The following PCDHA3 variants were observed in gnomAD, a reference collection of about 807,000 sequenced individuals.
PCDHA3 encodes the protein protocadherin alpha-3.
A neutral mutation model predicts 62.2 loss-of-function variants in PCDHA3; 41 were observed. The observed-to-expected ratio is 0.66, with a 90% CI of 0.51 to 0.86. The LOEUF (loss-of-function observed/expected upper bound fraction) is 0.86. Ranked by LOEUF, PCDHA3 falls within the 40% of genes least tolerant of loss-of-function variation. The probability of loss-of-function intolerance (pLI) is 0.00; values close to 1 mark genes in which losing one functional copy is unlikely to be tolerated. For synonymous variants in PCDHA3, 640 were observed against 555.4 expected (o/e 1.15, Z -2.14); for missense variants, 1,304 against 1,241.2 (o/e 1.05, Z -0.76).
At chr5:140,869,038 C>A in intron 1 of PCDHA3, 1 of 1,528,506 alleles carries the variant, frequency 6.5e-7, no homozygotes, top group South Asian at 1.3e-5. Context: ...GATTTTTAAC[C>A]TGAAACTGAA....
At chr5:140,913,523 T>G (rs2076374733) in intron 1 of PCDHA3, among the ~76,000 whole-genome samples, 2 of 152,156 alleles carry the variant, frequency 1.3e-5, no homozygotes, top group Admixed American at 6.5e-5. Context: ...TATTTATCTT[T>G]TCAAAAGATT....
chr5:140,902,415 G>C (rs887303649), intron 1 of PCDHA3, among the ~76,000 whole-genome samples: 24 of 152,178 alleles, frequency 1.6e-4, no homozygotes, highest in Admixed American at 1.3e-3. Flanking sequence ...TTGAATAACA[G>C]TGGTGAAAGT....
intron 1 of PCDHA3, chr5:140,877,741 A>C: frequency 6.2e-7 from 1 of 1,614,182 alleles, no homozygotes; most frequent in Non-Finnish European, 8.5e-7. Context: ...GAGGAGGCAG[A>C]GGGTGTGCTC....
At chr5:140,969,588 T>A in intron 1 of PCDHA3, 1 of 849,870 alleles carries the variant, frequency 1.2e-6, no homozygotes, top group Non-Finnish European at 1.8e-6. Context: ...GGATTAGTCT[T>A]AATATTTAAT....
intron 3 of PCDHA3, among the ~76,000 whole-genome samples, chr5:140,993,043 A>G (rs1402138607): frequency 1.3e-5 from 2 of 152,186 alleles, no homozygotes; most frequent in Non-Finnish European, 2.9e-5. Context: ...TGTGTCATCA[A>G]GATGTCAATC....
At chr5:140,901,930 C>G (rs902948893) in intron 1 of PCDHA3, among the ~76,000 whole-genome samples, 2 of 151,400 alleles carry the variant, frequency 1.3e-5, no homozygotes, top group Admixed American at 1.3e-4. Flanking sequence ...TTGGTTAATT[C>G]CTAGGTATAT....
chr5:140,877,288 T>G (rs782747810), intron 1 of PCDHA3: 3 of 1,613,908 alleles, frequency 1.9e-6, no homozygotes, highest in East Asian at 4.5e-5. Flanking sequence ...CTATAACGCT[T>G]GGCTGTCCTA....
At chr5:140,850,840 C>T (rs2150500104) in intron 1 of PCDHA3, 1 of 1,597,492 alleles carries the variant, frequency 6.3e-7, no homozygotes, top group Admixed American at 1.7e-5. Flanking sequence ...TGTGCTGGAT[C>T]TACAGAGCGA....
chr5:140,833,179 G>A (rs928347111), intron 1 of PCDHA3, among the ~76,000 whole-genome samples: 1 of 152,198 alleles, frequency 6.6e-6, no homozygotes, highest in African/African-American at 2.4e-5. Context: ...GAAGATGACT[G>A]CAAGGATTAA....
chr5:140,876,075 C>G, intron 1 of PCDHA3: 1 of 1,613,908 alleles, frequency 6.2e-7, no homozygotes, highest in Non-Finnish European at 8.5e-7. Context: ...AGTTATTGGA[C>G]AGAGAGCAAA....
At chr5:140,828,580 C>T (rs2150157078) in intron 1 of PCDHA3, 2 of 1,614,212 alleles carry the variant, frequency 1.2e-6, no homozygotes, top group African/African-American at 1.3e-5. Flanking sequence ...CAGATGTTGG[C>T]TCAAATTCCA....
Position 140,877,064 on chromosome 5 carries a change from T to C in PCDHA3, c.2394+73473T>C, listed in dbSNP as rs2056824961. On this transcript the variant is annotated intron_variant, in intron 1 of 3. Coordinates refer to ENST00000522353, the MANE Select transcript of PCDHA3 (RefSeq NM_018906.3). ...CTAGACCACGAGGAGCTGGAGCTGC[T>C]GCAGTTCCAGGTGAGCGCGCGCGAC... is the stretch of plus-strand genomic sequence containing the variant. The C allele has an allele frequency of 6.2e-7, 1 of 1,612,896 alleles. No homozygotes were observed. Among genetic ancestry groups the C allele is most frequent in the Non-Finnish European group, 8.5e-7 (1 of 1,179,856 alleles).
Position 140,841,493 on chromosome 5 carries a change from G to A in PCDHA3, c.2394+37902G>A, listed in dbSNP as rs2150316668. On this transcript the variant is annotated intron_variant, in intron 1 of 3. Coordinates refer to ENST00000522353, the MANE Select transcript of PCDHA3 (RefSeq NM_018906.3). Reference sequence around the variant, plus strand: ...GCAGGACCTGGGGCTGGAGCTGGCGGAGCTGGTGCCGCGCCTGTTCCGGGT... The same window carrying A: ...GCAGGACCTGGGGCTGGAGCTGGCGAAGCTGGTGCCGCGCCTGTTCCGGGT... 2.5e-5 allele frequency: 41 copies of A among 1,613,108 alleles called. No homozygotes were observed. The South Asian group carries it at 4.3e-4, about 17-fold the overall frequency.
chr5:140,836,434 T>G (rs2150261046), intron 1 of PCDHA3: 2 of 1,613,832 alleles, frequency 1.2e-6, no homozygotes, highest in Admixed American at 1.7e-5. Flanking sequence ...CGGGCATCGT[T>G]GGGCATTGCA....
rs1249869440 is a variant in PCDHA3, at chr5:140,805,568, T to C, written c.2394+1977T>C. The C allele has an allele frequency of 3.1e-6, 3 of 964,158 alleles. No individual in the cohort carries two copies. In the African/African-American group the frequency reaches 5.3e-5, roughly 17 times the overall value. The allele number at this position is 964,158 out of a possible 1,614,324, so 59.7% of individuals were successfully genotyped here. A position where few individuals can be genotyped will look rare whatever the true frequency, so the allele number is the denominator to read the frequency against. On this transcript the variant is annotated intron_variant, in intron 1 of 3. Transcript: ENST00000522353. Reference sequence around the variant, plus strand: ...TATGGATATAGGAGGCAAGGAAAGTTTTTAAATGGCTACCATTATGTCTTT... The same window carrying C: ...TATGGATATAGGAGGCAAGGAAAGTCTTTAAATGGCTACCATTATGTCTTT...
intron 1 of PCDHA3, among the ~76,000 whole-genome samples, chr5:140,942,360 G>A (rs782168150): frequency 4.0e-5 from 6 of 151,816 alleles, no homozygotes; most frequent in Admixed American, 3.3e-4. Context: ...TGCAGTTAAC[G>A]GAGATTGCAC....
intron 1 of PCDHA3, chr5:140,841,679 G>C: frequency 6.2e-7 from 1 of 1,613,984 alleles, no homozygotes. Context: ...TTTCCATGTG[G>C]ACGTGGAGGT....
chr5:140,840,693 G>A (rs1776820788), intron 1 of PCDHA3, among the ~76,000 whole-genome samples: 1 of 152,026 alleles, frequency 6.6e-6, no homozygotes, highest in Non-Finnish European at 1.5e-5. Flanking sequence ...AAATAAAACG[G>A]TTCAGGCAAT....
chr5:140,823,639 C>A, intron 1 of PCDHA3: 1 of 1,614,012 alleles, frequency 6.2e-7, no homozygotes, highest in Non-Finnish European at 8.5e-7. Context: ...CATCCCGTTC[C>A]GCGTGGGGCT....
Sources: gnomAD v4.1 joint callset for allele counts (sites outside exome capture counted in the v4.1 genomes callset) on GRCh38, gnomAD v4.1.1 for gene constraint, MANE v1.5 for transcripts, NCBI Gene and HGNC (gene_info 2026-07-23, HGNC 2026-07-21) for gene names.